Variants in CACNA2D3 observed in about 807,000 individuals in gnomAD.
The protein encoded by CACNA2D3 is voltage-dependent calcium channel subunit alpha-2/delta-3.
A neutral mutation model predicts 160.6 loss-of-function variants in CACNA2D3; 60 were observed. The observed-to-expected ratio is 0.37, with a 90% CI of 0.30 to 0.46. The LOEUF (loss-of-function observed/expected upper bound fraction) is 0.46, where lower values mean the gene tolerates loss of function less well. Among genes scored for constraint, CACNA2D3 ranks in the 20% least tolerant of loss-of-function variants. The pLI is 1.00. For missense variants in CACNA2D3, 1,205 were observed against 1,365.0 expected, an observed-to-expected ratio of 0.88 and a Z score of 1.85; for synonymous variants, 558 against 492.9, an observed-to-expected ratio of 1.13 and a Z score of -1.75.
intron 4 of CACNA2D3, among the ~76,000 whole-genome samples, chr3:54,452,744 G>A (rs1274483420): frequency 6.6e-6 from 1 of 152,118 alleles, no homozygotes. Context: ...TCATGGTTCT[G>A]GAGGCTTGAT....
At chr3:54,711,539 C>A (rs1700951512) in intron 11 of CACNA2D3, among the ~76,000 whole-genome samples, 2 of 152,334 alleles carry the variant, frequency 1.3e-5, no homozygotes, top group East Asian at 3.9e-4. Context: ...TACCCCCACA[C>A]AGGCACCTCT....
At chr3:54,857,773 T>C (rs1264995207) in intron 17 of CACNA2D3, among the ~76,000 whole-genome samples, 2 of 152,214 alleles carry the variant, frequency 1.3e-5, no homozygotes, top group African/African-American at 4.8e-5. Flanking sequence ...AAATGCAGTT[T>C]TGAGTGCTCT....
intron 4 of CACNA2D3, among the ~76,000 whole-genome samples, chr3:54,467,997 A>G (rs796359827): frequency 1.3e-4 from 20 of 152,338 alleles, no homozygotes; most frequent in African/African-American, 4.8e-4. Flanking sequence ...GTAAATATGT[A>G]CAATTATGAT....
Position 54,490,330 on chromosome 3 carries a change from GC to G in CACNA2D3, c.382-13161del, listed in dbSNP as rs1559496318. On this transcript the variant is annotated intron_variant, in intron 4 of 37. Coordinates refer to ENST00000474759, the MANE Select transcript of CACNA2D3 (RefSeq NM_018398.3). ...CAGCAGTAAGCACCGTTCCATCCCT[GC>G]GCAGCAGCAGGCTCCCACGCCCTGG... is the stretch of plus-strand genomic sequence containing the variant. 3.2e-3 allele frequency among the ~76,000 whole-genome samples: 9 copies of G among 2,812 alleles called. No individual in the cohort carries two copies. The Non-Finnish European group carries it at 0.088, about 28-fold the overall frequency. The allele number at this position is 2,812 out of a possible 152,430, so 1.8% of individuals were successfully genotyped here.
At chr3:54,648,139 G>T (rs1699689386) in intron 11 of CACNA2D3, among the ~76,000 whole-genome samples, 1 of 152,228 alleles carries the variant, frequency 6.6e-6, no homozygotes, top group Non-Finnish European at 1.5e-5. Flanking sequence ...GATTAGCCAG[G>T]TTATTTAAAG....
chr3:55,028,022 T>G (rs2107172533), intron 35 of CACNA2D3, among the ~76,000 whole-genome samples: 1 of 152,200 alleles, frequency 6.6e-6, no homozygotes, highest in Non-Finnish European at 1.5e-5. Context: ...GTAAATCATG[T>G]CAGGTGGTTC....
chr3:54,171,038 C>T (rs544618851), intron 2 of CACNA2D3, among the ~76,000 whole-genome samples: 62 of 151,388 alleles, frequency 4.1e-4, no homozygotes, highest in South Asian at 8.3e-4. Flanking sequence ...CCAAATGTTC[C>T]TGAAGGACCT....
At chr3:54,137,628 G>A (rs1481785052) in intron 2 of CACNA2D3, among the ~76,000 whole-genome samples, 13 of 152,106 alleles carry the variant, frequency 8.5e-5, no homozygotes, top group Non-Finnish European at 1.5e-4. Context: ...ATTGCAACCC[G>A]TTACAACCTC....
chr3:54,364,094 A>G (rs975582286), intron 3 of CACNA2D3, among the ~76,000 whole-genome samples: 1 of 152,218 alleles, frequency 6.6e-6, no homozygotes, highest in Non-Finnish European at 1.5e-5. Context: ...GCCAGCTCTC[A>G]GAGAGGGTTT....
intron 2 of CACNA2D3, among the ~76,000 whole-genome samples, chr3:54,277,425 A>G (rs1470092516): frequency 6.6e-6 from 1 of 152,282 alleles, no homozygotes; most frequent in East Asian, 1.9e-4. Context: ...TTTATAAACG[A>G]TTAGATGGTT....
intron 9 of CACNA2D3, among the ~76,000 whole-genome samples, chr3:54,619,436 T>A (rs1031180594): frequency 3.3e-5 from 5 of 152,238 alleles, no homozygotes; most frequent in African/African-American, 1.2e-4. Context: ...GAAATGAGGA[T>A]GTAGCTAATC....
intron 9 of CACNA2D3, among the ~76,000 whole-genome samples, chr3:54,585,703 T>C (rs1244257435): frequency 1.3e-5 from 2 of 152,156 alleles, no homozygotes; most frequent in African/African-American, 4.8e-5. Context: ...AATCATCAGA[T>C]CTCATGAAAT....
intron 34 of CACNA2D3, among the ~76,000 whole-genome samples, chr3:55,012,346 G>A (rs1471606212): frequency 3.3e-5 from 5 of 152,006 alleles, no homozygotes; most frequent in Non-Finnish European, 5.9e-5. Flanking sequence ...TTAGGAGTTT[G>A]CACAGGGCTG....
chr3:54,124,009 C>G (rs1165768144), intron 2 of CACNA2D3, among the ~76,000 whole-genome samples: 1 of 152,148 alleles, frequency 6.6e-6, no homozygotes, highest in Non-Finnish European at 1.5e-5. Flanking sequence ...TTCAGTGTAT[C>G]AGAGAAAGAC....
At chr3:54,680,307 A>T (rs1480894169) in intron 11 of CACNA2D3, among the ~76,000 whole-genome samples, 1 of 152,226 alleles carries the variant, frequency 6.6e-6, no homozygotes, top group Non-Finnish European at 1.5e-5. Flanking sequence ...CTTCCTTTTT[A>T]TTCTAAGGTT....
chr3:54,146,821 G>A (rs575627624), intron 2 of CACNA2D3, among the ~76,000 whole-genome samples: 2 of 152,360 alleles, frequency 1.3e-5, no homozygotes, highest in African/African-American at 2.4e-5. Context: ...GCCACACTTT[G>A]TCACAGGGTG....
chr3:54,933,666 G>C (rs1422451565), intron 27 of CACNA2D3, among the ~76,000 whole-genome samples: 2 of 151,862 alleles, frequency 1.3e-5, no homozygotes, highest in Admixed American at 1.3e-4. Flanking sequence ...TAGACATTAA[G>C]TTTCAAATGA....
intron 2 of CACNA2D3, among the ~76,000 whole-genome samples, chr3:54,231,069 C>T (rs927044671): frequency 6.6e-6 from 1 of 152,106 alleles, no homozygotes; most frequent in African/African-American, 2.4e-5. Context: ...CAAAAAATAT[C>T]CCCTCTGCTA....
intron 2 of CACNA2D3, among the ~76,000 whole-genome samples, chr3:54,146,601 C>G (rs7621104): frequency 0.69 from 104,749 of 152,050 alleles, 36,229 homozygotes; most frequent in South Asian, 0.76. Context: ...GGAAGGGGGG[C>G]GTGGCCTAGT....
Sources: allele counts gnomAD v4.1 joint callset (sites outside exome capture counted in the v4.1 genomes callset), GRCh38; gene constraint gnomAD v4.1.1; transcripts MANE v1.5; gene names NCBI Gene and HGNC (gene_info 2026-07-23, HGNC 2026-07-21).